The following LARS2 variants were observed in gnomAD, a reference collection of about 807,000 sequenced individuals.
LARS2 encodes the protein leucine--tRNA ligase, mitochondrial.
A neutral mutation model predicts 116.6 loss-of-function variants in LARS2; 81 were observed. That is an observed-to-expected ratio of 0.69 (90% CI 0.58 to 0.84). The LOEUF is 0.84. Among genes scored for constraint, LARS2 ranks in the 40% least tolerant of loss-of-function variants. The probability of loss-of-function intolerance (pLI) is 0.00; values close to 1 mark genes in which losing one functional copy is unlikely to be tolerated. For missense variants in LARS2, 968 were observed against 1,114.5 expected, an observed-to-expected ratio of 0.87 and a Z score of 1.87; for synonymous variants, 396 against 407.2, an observed-to-expected ratio of 0.97 and a Z score of 0.33.
intron 7 of LARS2, among the ~76,000 whole-genome samples, chr3:45,452,383 T>C (rs887326930): frequency 5.3e-5 from 7 of 133,322 alleles, no homozygotes; most frequent in African/African-American, 2.0e-4. Context: ...TTTGTTGAGG[T>C]ATTTTTTTTT....
intron 20 of LARS2, among the ~76,000 whole-genome samples, chr3:45,526,166 C>T (rs1365279224): frequency 1.3e-5 from 2 of 152,158 alleles, no homozygotes; most frequent in East Asian, 3.8e-4. Flanking sequence ...TTAAGGGAGA[C>T]AATTTTTGAG....
chr3:45,446,272 G>A (rs1699016075), intron 6 of LARS2, among the ~76,000 whole-genome samples: 1 of 152,214 alleles, frequency 6.6e-6, no homozygotes, highest in African/African-American at 2.4e-5. Context: ...AGGACAGAAA[G>A]TAAATTTGGG....
chr3:45,461,040 A>AG (rs917635315), intron 8 of LARS2, among the ~76,000 whole-genome samples: 1 of 152,218 alleles, frequency 6.6e-6, no homozygotes, highest in South Asian at 2.1e-4. Flanking sequence ...CCTAAAATCA[A>AG]GGGGGAAAAA....
rs113151309 is a variant in LARS2, at chr3:45,445,181, A to G, written c.517-1710A>G. On this transcript the variant is annotated intron_variant, in intron 6 of 21. Coordinates refer to ENST00000645846, the MANE Select transcript of LARS2 (RefSeq NM_015340.4). ...TTCAATGTCAGTAGTTCATATCTCT[A>G]TCTAGTTTATTCTTCCTTCAACAAC... Among the ~76,000 whole-genome samples, 67 of 152,280 alleles carry G rather than the reference A, an allele frequency of 4.4e-4. 1 individual carries two copies. Among genetic ancestry groups the G allele is most frequent in the Non-Finnish European group, 8.4e-4 (57 of 68,022 alleles).
Position 45,395,913 on chromosome 3 carries a change from T to G in LARS2, c.234+1226T>G, listed in dbSNP as rs532045690. Among the ~76,000 whole-genome samples the G allele has an allele frequency of 2.6e-5, 4 of 152,372 alleles. No individual in the cohort carries two copies. The South Asian group carries it at 6.2e-4, about 24-fold the overall frequency. On this transcript the variant is annotated intron_variant, in intron 3 of 21. Coordinates refer to ENST00000645846, the MANE Select transcript of LARS2 (RefSeq NM_015340.4). ...ATAATTTTACAATGAAAGCTTGACT[T>G]CTACCTTGTTAGGAAGTGAAAAGCC...
intron 21 of LARS2, among the ~76,000 whole-genome samples, chr3:45,546,104 G>A (rs2125773726): frequency 6.6e-6 from 1 of 152,252 alleles, no homozygotes; most frequent in East Asian, 1.9e-4. Context: ...AGGAGATGTT[G>A]CCCTGGGCTG....
intron 19 of LARS2, among the ~76,000 whole-genome samples, chr3:45,522,181 A>G (rs766209823): frequency 5.3e-5 from 8 of 152,188 alleles, no homozygotes; most frequent in Non-Finnish European, 1.0e-4. Flanking sequence ...CACGCCAGTG[A>G]TAGGTGTGGT....
intron 8 of LARS2, among the ~76,000 whole-genome samples, chr3:45,471,554 C>T (rs1365550018): frequency 2.0e-5 from 3 of 152,192 alleles, no homozygotes; most frequent in Non-Finnish European, 4.4e-5. Context: ...AGGGTGAATA[C>T]ACTAGTGGCT....
At chr3:45,500,324 C>A in intron 14 of LARS2, 118 bp from the exon 15 acceptor site, 1 of 1,044,398 alleles carries the variant, frequency 9.6e-7, no homozygotes, top group Non-Finnish European at 1.4e-6. Flanking sequence ...TTAAAAAAAT[C>A]ATTGTTATTC....
chr3:45,392,008 A>G (rs1697961271), intron 2 of LARS2, among the ~76,000 whole-genome samples: 1 of 152,230 alleles, frequency 6.6e-6, no homozygotes, highest in Non-Finnish European at 1.5e-5. Flanking sequence ...GCAAGCATCC[A>G]TCTATGTGTC....
At chr3:45,456,309 G>A (rs751487702) in intron 7 of LARS2, among the ~76,000 whole-genome samples, 1 of 152,198 alleles carries the variant, frequency 6.6e-6, no homozygotes, top group Non-Finnish European at 1.5e-5. Flanking sequence ...AAGACTGGGT[G>A]TGGTGACTCA....
chr3:45,497,595 T>C (rs929319001), intron 14 of LARS2, among the ~76,000 whole-genome samples: 1 of 152,124 alleles, frequency 6.6e-6, no homozygotes, highest in Admixed American at 6.5e-5. Context: ...TTCTGTAATT[T>C]GAGTTCATAT....
intron 21 of LARS2, 115 bp from the exon 22 acceptor site, chr3:45,547,236 T>C (rs953630038): frequency 2.5e-5 from 23 of 931,926 alleles, no homozygotes; most frequent in Non-Finnish European, 3.7e-5. Context: ...CCACCTCTAT[T>C]CCTTTCCCCT....
intron 4 of LARS2, among the ~76,000 whole-genome samples, chr3:45,402,723 T>A (rs1401592465): frequency 1.3e-5 from 2 of 152,226 alleles, no homozygotes; most frequent in Non-Finnish European, 2.9e-5. Context: ...CACTTTAAGA[T>A]GGCTGAGGGT....
chr3:45,508,273 C>T (rs1339987692), intron 15 of LARS2, among the ~76,000 whole-genome samples: 1 of 152,034 alleles, frequency 6.6e-6, no homozygotes, highest in Non-Finnish European at 1.5e-5. Context: ...AAGCCCCTAT[C>T]CACAGAGCTT....
chr3:45,524,207 G>A, intron 20 of LARS2, 99 bp downstream of exon 20: 3 of 766,770 alleles, frequency 3.9e-6, no homozygotes, highest in Non-Finnish European at 6.7e-6. Context: ...CTCAGATATA[G>A]GGTCCAACAT....
chr3:45,396,635 T>A (rs1043049020), intron 3 of LARS2, among the ~76,000 whole-genome samples: 32 of 152,208 alleles, frequency 2.1e-4, no homozygotes, highest in African/African-American at 7.2e-4. Context: ...ATTTATCATT[T>A]AAAAAATAAT....
intron 3 of LARS2, among the ~76,000 whole-genome samples, chr3:45,399,934 C>T (rs1220214523): frequency 6.6e-6 from 1 of 151,932 alleles, no homozygotes; most frequent in Non-Finnish European, 1.5e-5. Flanking sequence ...TCCAATCTCA[C>T]CCAGGTCACT....
intron 1 of LARS2, among the ~76,000 whole-genome samples, chr3:45,390,033 G>T (rs1203793235): frequency 6.6e-6 from 1 of 152,092 alleles, no homozygotes; most frequent in Non-Finnish European, 1.5e-5. Flanking sequence ...TAACTTCAAA[G>T]GATATGAACT....
Sources: gnomAD v4.1 joint callset for allele counts (sites outside exome capture counted in the v4.1 genomes callset) on GRCh38, gnomAD v4.1.1 for gene constraint, MANE v1.5 for transcripts, NCBI Gene and HGNC (gene_info 2026-07-23, HGNC 2026-07-21) for gene names.